The following ASCC3 variants were observed in gnomAD, a reference collection of about 807,000 sequenced individuals.
ASCC3 encodes ASC-1 complex subunit P200.
ASCC3 carries 158 observed loss-of-function variants against 256.3 expected under a neutral mutation model. The ratio of observed to expected loss-of-function variants is 0.62; its 90% CI spans 0.54 to 0.70. The LOEUF is 0.70. ASCC3 is among the 30% of genes least tolerant of loss of function. The probability of loss-of-function intolerance (pLI) is 0.00; values close to 1 mark genes in which losing one functional copy is unlikely to be tolerated. For synonymous variants in ASCC3, 948 were observed against 883.4 expected, an observed-to-expected ratio of 1.07 and a Z score of -1.30; for missense variants, 2,259 against 2,626.0, an observed-to-expected ratio of 0.86 and a Z score of 3.05.
At chr6:100,567,262 T>C (rs970099004) in intron 36 of ASCC3, among the ~76,000 whole-genome samples, 1 of 152,158 alleles carries the variant, frequency 6.6e-6, no homozygotes, top group African/African-American at 2.4e-5. Context: ...CATAGTAATA[T>C]ATATGGCTCA....
chr6:100,859,316 A>G lies in ASCC3; in HGVS notation c.241+4748T>C. On this transcript the variant is annotated intron_variant, in intron 3 of 41. Coordinates refer to ENST00000369162, the MANE Select transcript of ASCC3 (RefSeq NM_006828.4). ...GATAACTTCTCTGATATAGTCAAAC[A>G]AATTTTGTATTTTGCAGTTTTTCTA... is the stretch of plus-strand genomic sequence containing the variant. 1.1e-5 allele frequency: 8 copies of G among 759,380 alleles called. 1 individual carries two copies. In the South Asian group the frequency reaches 1.1e-4, roughly 11 times the overall value. 47.0% of individuals were successfully genotyped at this position (759,380 alleles called of 1,614,324 possible). A position where few individuals can be genotyped will look rare whatever the true frequency, so the allele number is the denominator to read the frequency against.
intron 37 of ASCC3, among the ~76,000 whole-genome samples, chr6:100,523,131 A>G (rs567287568): frequency 5.3e-5 from 8 of 151,750 alleles, no homozygotes; most frequent in Admixed American, 2.0e-4. Flanking sequence ...GGAATGTGGT[A>G]TACTAGAAAA....
chr6:100,683,327 T>C (rs1043511936), intron 13 of ASCC3, among the ~76,000 whole-genome samples: 19 of 152,154 alleles, frequency 1.2e-4, no homozygotes, highest in Non-Finnish European at 8.8e-5. Flanking sequence ...AACCTAAATC[T>C]TCATTAATTA....
At chr6:100,529,620 G>A (rs570421447) in intron 37 of ASCC3, among the ~76,000 whole-genome samples, 112 of 151,878 alleles carry the variant, frequency 7.4e-4, no homozygotes, top group African/African-American at 2.5e-3. Context: ...GGGAATTCTC[G>A]GTTAAAAAAT....
At position 100,659,074 on chromosome 6, in the gene ASCC3, T is replaced by C. The variant is rs145149004; in HGVS notation, c.2703+2732A>G. On this transcript the variant is annotated intron_variant, in intron 16 of 41. Coordinates refer to ENST00000369162, the MANE Select transcript of ASCC3 (RefSeq NM_006828.4). ...AAATGTGCCTCATAACATGTTTGCA[T>C]TGAAATTATAACTTAATATAATAAT... Among the ~76,000 whole-genome samples, 21 of 151,550 alleles carry C rather than the reference T, an allele frequency of 1.4e-4. 1 individual carries two copies. Among genetic ancestry groups the C allele is most frequent in the African/African-American group, 5.1e-4 (21 of 41,508 alleles).
intron 36 of ASCC3, among the ~76,000 whole-genome samples, chr6:100,568,779 TATTA>T (rs1770416434): frequency 6.8e-6 from 1 of 147,636 alleles, no homozygotes; most frequent in African/African-American, 2.5e-5. Context: ...TTATTATTAT[TATTA>T]TTATTATTTT....
intron 13 of ASCC3, among the ~76,000 whole-genome samples, chr6:100,714,403 A>C (rs1778994632): frequency 6.6e-6 from 1 of 152,198 alleles, no homozygotes; most frequent in Non-Finnish European, 1.5e-5. Context: ...ATGACATAAA[A>C]TAAATGCAAA....
At chr6:100,776,439 TC>T (rs1470014988) in intron 8 of ASCC3, among the ~76,000 whole-genome samples, 4 of 152,074 alleles carry the variant, frequency 2.6e-5, no homozygotes, top group Non-Finnish European at 5.9e-5. Flanking sequence ...TCATTCTACA[TC>T]CACTTTATAC....
At chr6:100,624,129 G>A (rs1281377997) in intron 30 of ASCC3, among the ~76,000 whole-genome samples, 2 of 150,862 alleles carry the variant, frequency 1.3e-5, no homozygotes, top group African/African-American at 4.9e-5. Flanking sequence ...TAAAAAAAAA[G>A]ACACCATGAA....
chr6:100,615,540 C>G (rs1202583623), intron 30 of ASCC3, among the ~76,000 whole-genome samples: 1 of 152,008 alleles, frequency 6.6e-6, no homozygotes. Context: ...TAAAAACTAC[C>G]CTTTGAGAAT....
intron 37 of ASCC3, chr6:100,530,618 G>A: frequency 1.3e-6 from 1 of 799,662 alleles, no homozygotes. Flanking sequence ...CAGCAATACA[G>A]TGTGAGTTCT....
intron 4 of ASCC3, among the ~76,000 whole-genome samples, chr6:100,806,243 A>G (rs1335810198): frequency 6.6e-6 from 1 of 151,988 alleles, no homozygotes; most frequent in East Asian, 1.9e-4. Flanking sequence ...CCAGAGTACT[A>G]TTTTTCTTAC....
chr6:100,565,767 T>C (rs1334600030), intron 36 of ASCC3, among the ~76,000 whole-genome samples: 1 of 152,150 alleles, frequency 6.6e-6, no homozygotes. Context: ...TGAGAGAGGA[T>C]GGCTATGCTA....
intron 39 of ASCC3, among the ~76,000 whole-genome samples, chr6:100,514,675 C>A (rs867279918): frequency 1.3e-5 from 2 of 152,052 alleles, no homozygotes; most frequent in South Asian, 4.2e-4. Context: ...TAAGACATTT[C>A]AATACCAGCC....
intron 36 of ASCC3, among the ~76,000 whole-genome samples, chr6:100,556,658 CT>C (rs1769591388): frequency 6.6e-6 from 1 of 152,032 alleles, no homozygotes; most frequent in Admixed American, 6.6e-5. Context: ...TAATTGTAGA[CT>C]GTGGAGGGGA....
intron 36 of ASCC3, among the ~76,000 whole-genome samples, chr6:100,568,787 T>G (rs1480246932): frequency 6.8e-6 from 1 of 147,770 alleles, no homozygotes; most frequent in African/African-American, 2.5e-5. Flanking sequence ...ATTATTATTA[T>G]TATTTTTTGA....
chr6:100,707,174 A>G (rs980921773), intron 13 of ASCC3, among the ~76,000 whole-genome samples: 2 of 152,156 alleles, frequency 1.3e-5, no homozygotes, highest in African/African-American at 4.8e-5. Context: ...GTATTTCCTT[A>G]TAACCCAGTC....
At chr6:100,556,879 G>A (rs571681123) in intron 36 of ASCC3, among the ~76,000 whole-genome samples, 2 of 152,126 alleles carry the variant, frequency 1.3e-5, no homozygotes, top group African/African-American at 4.8e-5. Flanking sequence ...ATAAAGAAAG[G>A]ACTGAATAAA....
In ASCC3 at chr6:100,518,083, G is replaced by T; in HGVS notation, c.5835C>A (p.Asn1945Lys). Residue 1945 changes from asparagine to lysine, a missense_variant, in exon 38 of 42, where the codon AAC becomes AAA. Asn to Lys is a moderately conservative substitution (Grantham distance 94, BLOSUM62 0). Coordinates refer to ENST00000369162, the MANE Select transcript of ASCC3 (RefSeq NM_006828.4). The part of the protein sequence containing the change: ...GWLVTVLNIT[N>K]LIQMVIQGRW... ...GACCCTGGATCACCATCTGAATCAG[G>T]TTGGTGATATTCAGGACAGTCACCA... The T allele has an allele frequency of 6.2e-7, 1 of 1,613,642 alleles. No individual in the cohort carries two copies. Among genetic ancestry groups the T allele is most frequent in the South Asian group, 1.1e-5 (1 of 91,074 alleles).
Sources: allele counts gnomAD v4.1 joint callset (sites outside exome capture counted in the v4.1 genomes callset), GRCh38; gene constraint gnomAD v4.1.1; transcripts MANE v1.5; gene names NCBI Gene and HGNC (gene_info 2026-07-23, HGNC 2026-07-21).